DLG3: variants seen among roughly 807,000 people sequenced by gnomAD.
DLG3 encodes the protein disks large homolog 3.
In DLG3, 1 loss-of-function variant was observed where a neutral mutation model predicts 64.1. The ratio of observed to expected loss-of-function variants is 0.02; its 90% CI spans 0.01 to 0.07. DLG3 has a LOEUF of 0.07. Among genes scored for constraint, DLG3 ranks in the 10% least tolerant of loss-of-function variants. The probability of loss-of-function intolerance (pLI) is 1.00; values close to 1 mark genes in which losing one functional copy is unlikely to be tolerated. For missense variants in DLG3, 429 were observed against 669.5 expected (o/e 0.64, Z 3.96); for synonymous variants, 245 against 259.8 (o/e 0.94, Z 0.55).
chrX:70,487,888 T>G (rs1360968998), intron 10 of DLG3, among the ~76,000 whole-genome samples: 1 of 110,776 alleles, frequency 9.0e-6, no homozygotes, highest in African/African-American at 3.3e-5. Context: ...CAACCTCAGG[T>G]GATCCGCCCG....
intron 10 of DLG3, among the ~76,000 whole-genome samples, chrX:70,483,471 G>A (rs2087202607): frequency 8.9e-6 from 1 of 112,664 alleles, no homozygotes; most frequent in African/African-American, 3.2e-5. Flanking sequence ...TGGTTAAAGT[G>A]AGGGAACCCT....
intron 6 of DLG3, 116 bp from the exon 7 acceptor site, chrX:70,451,751 C>T: frequency 8.8e-6 from 8 of 906,486 alleles, no homozygotes; most frequent in Non-Finnish European, 1.3e-5. Context: ...CCTGAGGAAT[C>T]AGCATCCCTT....
At chrX:70,493,555 G>A in intron 12 of DLG3, 1 of 909,137 alleles carries the variant, frequency 1.1e-6, no homozygotes, top group Non-Finnish European at 1.6e-6. Flanking sequence ...CTCGAGAGAA[G>A]CCTGGGCAGG....
chrX:70,486,137 T>C (rs1311934058), intron 10 of DLG3, among the ~76,000 whole-genome samples: 1 of 109,997 alleles, frequency 9.1e-6, no homozygotes, highest in Non-Finnish European at 1.9e-5. Flanking sequence ...ACTTTGTTTT[T>C]ACATGTCACA....
chrX:70,491,675 G>A (rs1484623549), intron 10 of DLG3, among the ~76,000 whole-genome samples: 3 of 112,089 alleles, frequency 2.7e-5, no homozygotes, highest in Non-Finnish European at 5.6e-5. Context: ...CTTCAGGAGT[G>A]TTTACCAGTC....
At chrX:70,453,332 G>A in intron 7 of DLG3, 1 of 271,221 alleles carries the variant, frequency 3.7e-6, no homozygotes, top group Non-Finnish European at 6.5e-6. Context: ...ACCAGTGAGT[G>A]GGCCTGAGAT....
At chrX:70,452,173 T>C (rs2086626016) in intron 7 of DLG3, 147 bp downstream of exon 7, 2 of 1,078,567 alleles carry the variant, frequency 1.9e-6, no homozygotes, top group Non-Finnish European at 2.4e-6. Context: ...TCCGAGGCCC[T>C]CTCTCAGGCC....
At chrX:70,452,308 G>A (rs2086627763) in intron 7 of DLG3, 5 of 1,034,746 alleles carry the variant, frequency 4.8e-6, no homozygotes, top group Non-Finnish European at 6.1e-6. Flanking sequence ...CGTTTAGGGG[G>A]CTGAGGAGGC....
intron 9 of DLG3, among the ~76,000 whole-genome samples, chrX:70,478,885 G>C (rs2087104396): frequency 8.9e-6 from 1 of 111,859 alleles, no homozygotes. Flanking sequence ...TTTTGAGGCA[G>C]ATAAGAGCTT....
intron 9 of DLG3, among the ~76,000 whole-genome samples, chrX:70,476,055 T>C (rs1023205261): frequency 9.0e-6 from 1 of 111,638 alleles, no homozygotes; most frequent in African/African-American, 3.3e-5. Flanking sequence ...GTATCTGGGA[T>C]GGGGTGCCAA....
intron 13 of DLG3, among the ~76,000 whole-genome samples, chrX:70,497,001 G>A (rs2087467638): frequency 8.9e-6 from 1 of 112,290 alleles, no homozygotes; most frequent in African/African-American, 3.2e-5. Context: ...GTACGAGAGG[G>A]CCAGGGGCTC....
At chrX:70,448,561 T>A in intron 1 of DLG3, 1 of 1,161,324 alleles carries the variant, frequency 8.6e-7, no homozygotes, top group Non-Finnish European at 1.2e-6. Flanking sequence ...CCATGCTCCA[T>A]CTCTGCCATC....
rs756166933 is a variant in DLG3 at position 70,448,971 on chromosome X, T to A, written c.408+8T>A. 6.6e-6 allele frequency: 8 copies of A among 1,204,559 alleles called. No individual in the cohort carries two copies. The highest frequency in any genetic ancestry group is 1.1e-6 in the Non-Finnish European group (1 of 892,638). ...GAAATCGTACTTGAGAGGGTGAGTCTGCCAGTGGGGAAAAGCGGAAAGGGA... is the reference window on the plus strand; with the variant it reads ...GAAATCGTACTTGAGAGGGTGAGTCAGCCAGTGGGGAAAAGCGGAAAGGGA... On this transcript the variant is annotated splice_region_variant and intron_variant, in intron 2 of 18. Transcript: ENST00000374360.
chrX:70,487,733 C>T (rs1317487686), intron 10 of DLG3, among the ~76,000 whole-genome samples: 2 of 112,212 alleles, frequency 1.8e-5, no homozygotes, highest in Non-Finnish European at 3.8e-5. Flanking sequence ...TTTACCGCAA[C>T]CTCTGCCTCC....
intron 9 of DLG3, among the ~76,000 whole-genome samples, chrX:70,471,023 C>CTT (rs1234693665): frequency 9.6e-6 from 1 of 104,002 alleles, no homozygotes; most frequent in African/African-American, 3.5e-5. Flanking sequence ...GTTTGTATTC[C>CTT]TTTTTTTTTT....
intron 9 of DLG3, among the ~76,000 whole-genome samples, chrX:70,467,958 C>T (rs1271891814): frequency 3.6e-5 from 4 of 111,811 alleles, no homozygotes; most frequent in Admixed American, 1.9e-4. Context: ...CTGGGTGATC[C>T]GGAATAGGTG....
At chrX:70,481,618 G>GCC (rs2087157027) in intron 10 of DLG3, among the ~76,000 whole-genome samples, 2 of 112,181 alleles carry the variant, frequency 1.8e-5, no homozygotes, top group Non-Finnish European at 3.8e-5. Flanking sequence ...TAGCCCGAAA[G>GCC]GAAGCGTGCA....
intron 12 of DLG3, among the ~76,000 whole-genome samples, chrX:70,494,761 G>T (rs1333644436): frequency 8.9e-6 from 1 of 112,328 alleles, no homozygotes; most frequent in Non-Finnish European, 1.9e-5. Context: ...CAGAGTTGAA[G>T]GTGCCTAGTG....
intron 14 of DLG3, among the ~76,000 whole-genome samples, chrX:70,498,946 ACT>A (rs2087506226): frequency 8.9e-6 from 1 of 111,866 alleles, no homozygotes; most frequent in African/African-American, 3.3e-5. Context: ...ATTTTTTCTG[ACT>A]CTGTTAGAAG....
Sources: allele counts gnomAD v4.1 joint callset (sites outside exome capture counted in the v4.1 genomes callset), GRCh38; gene constraint gnomAD v4.1.1; transcripts MANE v1.5; gene names NCBI Gene and HGNC (gene_info 2026-07-23, HGNC 2026-07-21).